SAMD5: variants seen among roughly 807,000 people sequenced by gnomAD.
SAMD5 encodes sterile alpha motif domain-containing protein 5.
A neutral mutation model predicts 11.3 loss-of-function variants in SAMD5; 13 were observed. The observed-to-expected ratio is 1.15, with a 90% CI of 0.75 to 1.83. The LOEUF (loss-of-function observed/expected upper bound fraction) is 1.83, where lower values mean the gene tolerates loss of function less well. SAMD5 is among the 40% of genes most tolerant of loss of function. SAMD5 has a pLI of 0.00. For synonymous variants in SAMD5, 129 were observed against 111.3 expected (o/e 1.16, Z -1.00); for missense variants, 255 against 239.1 (o/e 1.07, Z -0.44).
chr6:147,951,241 G>A, the SAMD5 span, among the ~76,000 whole-genome samples: 1 of 150,918 alleles, frequency 6.6e-6, no homozygotes, highest in South Asian at 2.1e-4. Flanking sequence ...GAGTGCAGTG[G>A]CGCGATCTCG....
At chr6:147,657,252 T>A (rs1241420053) in intron 1 of SAMD5, among the ~76,000 whole-genome samples, 1 of 152,138 alleles carries the variant, frequency 6.6e-6, no homozygotes, top group African/African-American at 2.4e-5. Flanking sequence ...AAGGCACATT[T>A]GGGACAACTG....
At chr6:147,908,624 G>A in the SAMD5 span, among the ~76,000 whole-genome samples, 8 of 152,274 alleles carry the variant, frequency 5.3e-5, no homozygotes, top group Admixed American at 4.6e-4. Context: ...ACAACTATAT[G>A]TTGCATATAT....
intron 1 of SAMD5, among the ~76,000 whole-genome samples, chr6:147,527,649 A>G (rs1282549123): frequency 6.6e-6 from 1 of 152,124 alleles, no homozygotes; most frequent in Non-Finnish European, 1.5e-5. Context: ...ACAGTTCCCC[A>G]AAGTCTTAAC....
At chr6:147,702,404 G>A (rs1791266801) in intron 1 of SAMD5, among the ~76,000 whole-genome samples, 1 of 152,116 alleles carries the variant, frequency 6.6e-6, no homozygotes, top group African/African-American at 2.4e-5. Flanking sequence ...ACATTTGGGA[G>A]GTTGAACATT....
the SAMD5 span, among the ~76,000 whole-genome samples, chr6:147,768,717 T>G: frequency 1.3e-5 from 2 of 152,174 alleles, no homozygotes; most frequent in African/African-American, 4.8e-5. Context: ...ATATTTAAAT[T>G]GTGGAATAAT....
the SAMD5 span, among the ~76,000 whole-genome samples, chr6:147,768,818 G>A: frequency 7.9e-5 from 12 of 151,806 alleles, no homozygotes; most frequent in East Asian, 1.9e-4. Context: ...TTTTTGAGAC[G>A]GAGTCTTGCT....
At chr6:147,773,280 T>C in the SAMD5 span, among the ~76,000 whole-genome samples, 26 of 152,216 alleles carry the variant, frequency 1.7e-4, no homozygotes, top group African/African-American at 6.3e-4. Context: ...ACCCTGTATC[T>C]GGATGTCCAG....
intron 1 of SAMD5, among the ~76,000 whole-genome samples, chr6:147,631,496 A>G (rs775439310): frequency 7.9e-5 from 12 of 152,138 alleles, no homozygotes; most frequent in Admixed American, 3.3e-4. Context: ...GGTAAGAGGT[A>G]TGAAGGTTTC....
chr6:147,789,830 T>C, the SAMD5 span, among the ~76,000 whole-genome samples: 1 of 152,226 alleles, frequency 6.6e-6, no homozygotes, highest in African/African-American at 2.4e-5. Flanking sequence ...TGTCCTTCAA[T>C]TGGGATTTGT....
the SAMD5 span, among the ~76,000 whole-genome samples, chr6:147,941,140 G>A: frequency 6.6e-6 from 1 of 152,100 alleles, no homozygotes; most frequent in East Asian, 1.9e-4. Flanking sequence ...TCTTTATACT[G>A]TATCTGTGTT....
At chr6:147,676,649 G>A (rs1166321462) in intron 1 of SAMD5, among the ~76,000 whole-genome samples, 3 of 152,166 alleles carry the variant, frequency 2.0e-5, no homozygotes, top group African/African-American at 7.2e-5. Flanking sequence ...ATTGTAGGCA[G>A]TCAGTATATA....
At chr6:147,527,879 C>T (rs1351683267) in intron 1 of SAMD5, among the ~76,000 whole-genome samples, 1 of 152,078 alleles carries the variant, frequency 6.6e-6, no homozygotes, top group Non-Finnish European at 1.5e-5. Context: ...ATGCAAGAAG[C>T]ATAGCACCAT....
chr6:147,765,209 CT>C, the SAMD5 span, among the ~76,000 whole-genome samples: 46 of 151,888 alleles, frequency 3.0e-4, no homozygotes, highest in Middle Eastern at 3.4e-3. Context: ...ATTTTCTTGT[CT>C]TTTTTTTGTG....
chr6:147,790,770 TTCTCTCTCTCTCTCTCTCTC>T, the SAMD5 span, among the ~76,000 whole-genome samples: 1,563 of 88,092 alleles, frequency 0.018, 21 homozygotes, highest in Middle Eastern at 0.029. Context: ...CTCTCTCTCT[TTCTCTCTCTCTCTCTCTCTC>T]TCTCTCTCTC....
intron 1 of SAMD5, among the ~76,000 whole-genome samples, chr6:147,602,357 T>C (rs1159084016): frequency 2.6e-5 from 4 of 152,190 alleles, no homozygotes; most frequent in Non-Finnish European, 4.4e-5. Context: ...AAATTACCTA[T>C]AGGGATAGTA....
chr6:147,615,223 A>T (rs1789848157), intron 1 of SAMD5, among the ~76,000 whole-genome samples: 2 of 150,324 alleles, frequency 1.3e-5, no homozygotes, highest in Non-Finnish European at 2.9e-5. Flanking sequence ...TAAGCAGAAT[A>T]AAAGTATACA....
At chr6:147,530,397 CG>C (rs375403479) in intron 1 of SAMD5, among the ~76,000 whole-genome samples, 20 of 152,350 alleles carry the variant, frequency 1.3e-4, no homozygotes, top group African/African-American at 4.1e-4. Context: ...AGCACAAAGG[CG>C]GCAGGTGCGG....
At chr6:147,725,524 G>A (rs191747552) in intron 1 of SAMD5, among the ~76,000 whole-genome samples, 28 of 152,024 alleles carry the variant, frequency 1.8e-4, no homozygotes, top group African/African-American at 6.8e-4. Flanking sequence ...AAGTAGCTGG[G>A]ATTACAGGTG....
chr6:147,791,694 AT>A, the SAMD5 span, among the ~76,000 whole-genome samples: 1 of 152,156 alleles, frequency 6.6e-6, no homozygotes, highest in South Asian at 2.1e-4. Flanking sequence ...AATATCCTTA[AT>A]TTTTAAAAAA....
Sources: gnomAD v4.1 joint callset for allele counts (sites outside exome capture counted in the v4.1 genomes callset) on GRCh38, gnomAD v4.1.1 for gene constraint, MANE v1.5 for transcripts, NCBI Gene and HGNC (gene_info 2026-07-23, HGNC 2026-07-21) for gene names.